Variants in FOXK2 observed in about 807,000 individuals in gnomAD.
FOXK2 encodes the protein forkhead box protein K2.
Under a neutral mutation model 53.3 loss-of-function variants are expected in FOXK2, and 24 were observed. The observed-to-expected ratio is 0.45, with a 90% CI of 0.33 to 0.63. The LOEUF (loss-of-function observed/expected upper bound fraction) is 0.63. FOXK2 is among the 30% of genes least tolerant of loss of function. The pLI is 0.03. For synonymous variants in FOXK2, 505 were observed against 407.1 expected, an observed-to-expected ratio of 1.24 and a Z score of -2.89; for missense variants, 952 against 910.5, an observed-to-expected ratio of 1.05 and a Z score of -0.59.
chr17:82,596,548 C>T (rs932825533), intron 8 of FOXK2, among the ~76,000 whole-genome samples: 11 of 152,090 alleles, frequency 7.2e-5, no homozygotes, highest in South Asian at 2.1e-4. Flanking sequence ...GCACTTTCTG[C>T]GGGCAGTCTG....
In FOXK2 at chr17:82,587,158, A is replaced by G. The variant is rs771307900; in HGVS notation, c.1672A>G (p.Thr558Ala). The G allele has an allele frequency of 1.2e-6, 2 of 1,613,160 alleles. No individual in the cohort carries two copies. The highest frequency in any genetic ancestry group is 2.2e-5 in the South Asian group (2 of 91,086). The change falls in exon 8 of 9, where the codon ACC (threonine) becomes GCC (alanine). Residue 558 changes from threonine (T) to alanine (A), a missense_variant. Thr to Ala is a moderately conservative substitution (Grantham distance 58). Around this residue, in one of 5 missense-constraint regions of FOXK2, gnomAD observed 551 missense variants for 385.1 expected, o/e 1.43. Coordinates refer to ENST00000335255, the MANE Select transcript of FOXK2 (RefSeq NM_004514.4). The stretch of plus-strand genomic sequence containing the variant: ...ACAGACCACCCCGGTCCAGACGGTG[A>G]CCATAGTACAACAGGCACCTCTAGG... ...TAQTTPVQTV[T>A]IVQQAPLGQH...
At position 82,589,377 on chromosome 17, in the gene FOXK2, T is replaced by C. The variant is rs191841609; in HGVS notation, c.1786+2105T>C. Among the ~76,000 whole-genome samples, 13 of 152,370 alleles carry C rather than the reference T, an allele frequency of 8.5e-5. No individual in the cohort carries two copies. In the East Asian group the frequency reaches 2.5e-3, roughly 29 times the overall value. ...GCTTAAATGTCATTTATTAGTCATA[T>C]CTTTTCTCTGCAGCAATAAAATATA... On this transcript the variant is annotated intron_variant, in intron 8 of 8. Transcript: ENST00000335255.
chr17:82,541,444 TG>T (rs755625838), intron 1 of FOXK2, among the ~76,000 whole-genome samples: 1 of 151,996 alleles, frequency 6.6e-6, no homozygotes. Flanking sequence ...GGCTAATTTT[TG>T]TATTTTTAGT....
rs899629887 is a variant in FOXK2, at chr17:82,602,553, A to G, written c.*1054A>G. 5.9e-5 allele frequency: 9 copies of G among 151,780 alleles called. No homozygotes were observed. The highest frequency in any genetic ancestry group is 2.2e-4 in the African/African-American group (9 of 41,258). The allele number at this position is 151,780 out of a possible 1,614,324, so 9.4% of individuals were successfully genotyped here. A position where few individuals can be genotyped will look rare whatever the true frequency, so the allele number is the denominator to read the frequency against. On this transcript the variant is annotated 3_prime_UTR_variant, in exon 9 of 9. Coordinates refer to ENST00000335255, the MANE Select transcript of FOXK2 (RefSeq NM_004514.4). The stretch of plus-strand genomic sequence containing the variant: ...CTAGGCGGCCTCTGACCTGCTGTCT[A>G]CTCCCCACCTTCGGTGAGCGGCCGC...
intron 1 of FOXK2, among the ~76,000 whole-genome samples, chr17:82,551,387 T>TA (rs1256069703): frequency 5.4e-5 from 8 of 147,636 alleles, no homozygotes; most frequent in Admixed American, 2.1e-4. Context: ...GATAAGAAGT[T>TA]AAAGCTGGCC....
At chr17:82,521,934 T>G (rs200419449) in intron 1 of FOXK2, among the ~76,000 whole-genome samples, 6 of 122,184 alleles carry the variant, frequency 4.9e-5, no homozygotes, top group Non-Finnish European at 1.0e-4. Context: ...AGACTCCGCC[T>G]CAAAAAAAAA....
At chr17:82,564,749 G>C (rs1444382102) in intron 2 of FOXK2, among the ~76,000 whole-genome samples, 1 of 97,412 alleles carries the variant, frequency 1.0e-5, no homozygotes, top group African/African-American at 4.4e-5. Flanking sequence ...TTTTTTTTTT[G>C]AGATGGAGTT....
chr17:82,586,447 G>T (rs113572121), intron 7 of FOXK2, among the ~76,000 whole-genome samples: 1 of 62,550 alleles, frequency 1.6e-5, no homozygotes, highest in Non-Finnish European at 2.9e-5. Flanking sequence ...GTCAAAGGTG[G>T]GCCGGGGGGG....
chr17:82,540,276 T>A (rs1396764814), intron 1 of FOXK2, among the ~76,000 whole-genome samples: 3 of 138,532 alleles, frequency 2.2e-5, no homozygotes, highest in Admixed American at 2.1e-4. Flanking sequence ...AGCGAAACTG[T>A]CTCAAAAAAA....
At chr17:82,545,768 G>A (rs1296939397) in intron 1 of FOXK2, among the ~76,000 whole-genome samples, 1 of 152,080 alleles carries the variant, frequency 6.6e-6, no homozygotes, top group Non-Finnish European at 1.5e-5. Flanking sequence ...TTTTAGTAGA[G>A]ACGGGGTTTC....
intron 4 of FOXK2, among the ~76,000 whole-genome samples, chr17:82,572,887 G>A (rs541835562): frequency 1.3e-3 from 200 of 152,246 alleles, no homozygotes; most frequent in African/African-American, 4.5e-3. Flanking sequence ...GTATAAACAT[G>A]TTATGTTAAA....
At chr17:82,556,508 A>G (rs1051607192) in intron 1 of FOXK2, among the ~76,000 whole-genome samples, 2 of 150,578 alleles carry the variant, frequency 1.3e-5, no homozygotes, top group African/African-American at 2.4e-5. Context: ...TGGCTCATCA[A>G]CGTGGAGAGG....
At chr17:82,534,835 G>A (rs140159086) in intron 1 of FOXK2, among the ~76,000 whole-genome samples, 127 of 152,344 alleles carry the variant, frequency 8.3e-4, no homozygotes, top group African/African-American at 2.7e-3. Flanking sequence ...TTCAGGCTAT[G>A]CCTTTTCTTG....
At position 82,520,051 on chromosome 17, in the gene FOXK2, A is replaced by G; in HGVS notation, c.163A>G (p.Thr55Ala). 2 of 1,528,208 alleles carry G rather than the reference A, an allele frequency of 1.3e-6. No individual in the cohort carries two copies. The highest frequency in any genetic ancestry group is 1.8e-6 in the Non-Finnish European group (2 of 1,139,220). The allele number at this position is 1,528,208 out of a possible 1,614,324, so 94.7% of individuals were successfully genotyped here. A position where few individuals can be genotyped will look rare whatever the true frequency, so the allele number is the denominator to read the frequency against. ...FEYLMKKRSV[T>A]IGRNSSQGSV... ...GTATCTGATGAAGAAGCGCTCGGTGACCATCGGCCGCAACTCGTCGCAGGG... is the reference window on the plus strand; with the variant it reads ...GTATCTGATGAAGAAGCGCTCGGTGGCCATCGGCCGCAACTCGTCGCAGGG... The change falls in exon 1 of 9, where the codon ACC becomes GCC. Residue 55 changes from threonine to alanine, a missense_variant. Physicochemically the swap from Thr to Ala is moderately conservative, Grantham distance 58. Coordinates refer to ENST00000335255, the MANE Select transcript of FOXK2 (RefSeq NM_004514.4).
At chr17:82,539,837 G>T (rs1042914535) in intron 1 of FOXK2, among the ~76,000 whole-genome samples, 15 of 151,046 alleles carry the variant, frequency 9.9e-5, no homozygotes, top group African/African-American at 3.7e-4. Flanking sequence ...ATGGTGGCAG[G>T]CACCTGTAAT....
At chr17:82,593,562 AGCCTTCT>A (rs1291335913) in intron 8 of FOXK2, 3 of 152,308 alleles carry the variant, frequency 2.0e-5, no homozygotes, top group African/African-American at 7.2e-5. Context: ...GGGCCTTCCG[AGCCTTCT>A]GGCTCCCGGC....
Position 82,586,091 on chromosome 17 carries a change from C to T in FOXK2, c.1467C>T (p.Ala489=), listed in dbSNP as rs749450374. ...AVSVTSVAGL[A]PANTYTVSGQ... is the part of the protein sequence containing the mutation. ...CGGTCACCAGTGTGGCCGGACTGGCCCCAGCGAACACGTACACTGTCTCTG... is the reference window on the plus strand; with the variant it reads ...CGGTCACCAGTGTGGCCGGACTGGCTCCAGCGAACACGTACACTGTCTCTG... Residue 489 remains alanine (A), a synonymous_variant, in exon 7 of 9, where the codon GCC becomes GCT. Transcript: ENST00000335255. 6.2e-7 allele frequency: 1 copy of T among 1,612,748 alleles called. No homozygotes were observed. The highest frequency in any genetic ancestry group is 1.1e-5 in the South Asian group (1 of 91,072).
At chr17:82,595,831 C>A in intron 8 of FOXK2, 1 of 1,289,666 alleles carries the variant, frequency 7.8e-7, no homozygotes, top group South Asian at 1.2e-5. Flanking sequence ...ACTGGAGTTG[C>A]CTCAGTTGAC....
chr17:82,566,792 C>T (rs1030956502), intron 2 of FOXK2, among the ~76,000 whole-genome samples: 1 of 152,166 alleles, frequency 6.6e-6, no homozygotes, highest in African/African-American at 2.4e-5. Context: ...AGACCTTTGT[C>T]AGGGGGAACC....
Sources: gnomAD v4.1 joint callset for allele counts (sites outside exome capture counted in the v4.1 genomes callset) on GRCh38, gnomAD v4.1.1 for gene constraint, gnomAD v4.1.1 regional missense constraint, MANE v1.5 for transcripts, NCBI Gene and HGNC (gene_info 2026-07-23, HGNC 2026-07-21) for gene names.